Variants in KCND3 observed in about 807,000 individuals in gnomAD.
KCND3 encodes A-type voltage-gated potassium channel KCND3.
KCND3 carries 9 observed loss-of-function variants against 51.1 expected under a neutral mutation model. The ratio of observed to expected loss-of-function variants is 0.18; its 90% CI spans 0.11 to 0.31. The LOEUF is 0.31. Ranked by LOEUF, KCND3 falls within the 10% of genes least tolerant of loss-of-function variation. The probability of loss-of-function intolerance (pLI) is 1.00; values close to 1 mark genes in which losing one functional copy is unlikely to be tolerated. For synonymous variants in KCND3, 349 were observed against 368.0 expected (o/e 0.95, Z 0.59); for missense variants, 526 against 903.8 (o/e 0.58, Z 5.36).
chr1:111,859,927 C>T (rs1353968435), intron 2 of KCND3, among the ~76,000 whole-genome samples: 1 of 152,086 alleles, frequency 6.6e-6, no homozygotes, highest in Admixed American at 6.6e-5. Context: ...GCCAGGGTGG[C>T]GGGAGGTGTG....
At chr1:111,849,511 G>A (rs984340038) in intron 2 of KCND3, among the ~76,000 whole-genome samples, 1 of 152,210 alleles carries the variant, frequency 6.6e-6, no homozygotes, top group African/African-American at 2.4e-5. Flanking sequence ...GTGCCCCTGA[G>A]TCCCTCTACC....
At chr1:111,920,710 C>G (rs1469993965) in intron 2 of KCND3, among the ~76,000 whole-genome samples, 1 of 152,218 alleles carries the variant, frequency 6.6e-6, no homozygotes, top group Non-Finnish European at 1.5e-5. Context: ...GGTCCCCACT[C>G]ACGCTGAAGG....
chr1:111,872,600 G>GTA (rs1237294835), intron 2 of KCND3, among the ~76,000 whole-genome samples: 8 of 139,934 alleles, frequency 5.7e-5, no homozygotes, highest in East Asian at 2.9e-4. Flanking sequence ...GGGAGAAAGA[G>GTA]TGTTTTTTTA....
chr1:111,909,196 T>C (rs1417605446), intron 2 of KCND3: 1 of 151,990 alleles, frequency 6.6e-6, no homozygotes. Context: ...TTGCATCCCA[T>C]TATGTTGTCA....
chr1:111,959,708 T>C (rs1227166284), intron 2 of KCND3, among the ~76,000 whole-genome samples: 3 of 152,214 alleles, frequency 2.0e-5, no homozygotes, highest in Non-Finnish European at 4.4e-5. Flanking sequence ...TGCTAGGTGC[T>C]CTGTGACACA....
chr1:111,874,344 T>A (rs78188177), intron 2 of KCND3, among the ~76,000 whole-genome samples: 2,335 of 152,306 alleles, frequency 0.015, 66 homozygotes, highest in African/African-American at 0.053. Flanking sequence ...CACATTCAAA[T>A]ACGCTGTTCT....
intron 2 of KCND3, among the ~76,000 whole-genome samples, chr1:111,823,779 C>T (rs962841959): frequency 1.3e-5 from 2 of 152,264 alleles, no homozygotes; most frequent in South Asian, 4.1e-4. Flanking sequence ...AGCTAGTTAG[C>T]AGCCCAGGCA....
chr1:111,973,582 G>C (rs1264680358), intron 2 of KCND3, among the ~76,000 whole-genome samples: 1 of 152,160 alleles, frequency 6.6e-6, no homozygotes, highest in Non-Finnish European at 1.5e-5. Context: ...TGCAGTGATA[G>C]CTAGATAATG....
intron 2 of KCND3, among the ~76,000 whole-genome samples, chr1:111,976,707 G>A (rs1389699126): frequency 1.3e-5 from 2 of 152,214 alleles, no homozygotes; most frequent in African/African-American, 4.8e-5. Flanking sequence ...CCAGCTCCTG[G>A]AGGTGACGTG....
intron 2 of KCND3, among the ~76,000 whole-genome samples, chr1:111,792,113 C>T (rs1284040925): frequency 6.6e-6 from 1 of 152,204 alleles, no homozygotes; most frequent in Non-Finnish European, 1.5e-5. Flanking sequence ...GGATGGTGAA[C>T]TGTCTGGAAT....
intron 2 of KCND3, among the ~76,000 whole-genome samples, chr1:111,930,828 G>A (rs1671934435): frequency 6.6e-6 from 1 of 152,200 alleles, no homozygotes; most frequent in East Asian, 1.9e-4. Context: ...ACTTAACCGT[G>A]ACATGCTGGA....
chr1:111,943,138 G>C (rs1374558178), intron 2 of KCND3, among the ~76,000 whole-genome samples: 1 of 152,128 alleles, frequency 6.6e-6, no homozygotes, highest in African/African-American at 2.4e-5. Context: ...CTGCATCTCA[G>C]GCTGGATGGA....
At chr1:111,816,815 C>T (rs1666111439) in intron 2 of KCND3, among the ~76,000 whole-genome samples, 1 of 152,154 alleles carries the variant, frequency 6.6e-6, no homozygotes, top group Non-Finnish European at 1.5e-5. Context: ...TTTTCACCTC[C>T]CTTGCTCCCA....
intron 2 of KCND3, among the ~76,000 whole-genome samples, chr1:111,870,319 G>T (rs1488381113): frequency 2.0e-5 from 3 of 152,204 alleles, no homozygotes; most frequent in African/African-American, 7.2e-5. Context: ...TTTGCTAATA[G>T]CAGGCATTAG....
At chr1:111,856,552 C>T (rs1315905506) in intron 2 of KCND3, among the ~76,000 whole-genome samples, 1 of 152,208 alleles carries the variant, frequency 6.6e-6, no homozygotes, top group African/African-American at 2.4e-5. Flanking sequence ...TCTCTCTCAG[C>T]CTCCCTCAGG....
chr1:111,919,553 G>A (rs895095544), intron 2 of KCND3, among the ~76,000 whole-genome samples: 1 of 152,162 alleles, frequency 6.6e-6, no homozygotes. Context: ...GATGGGTTAG[G>A]AGAGGAGGCA....
chr1:111,984,553 T>C (rs571297304), intron 1 of KCND3, among the ~76,000 whole-genome samples: 93 of 152,322 alleles, frequency 6.1e-4, no homozygotes, highest in African/African-American at 2.1e-3. Flanking sequence ...GTTTCTCCTA[T>C]TCCCCTGAAA....
intron 2 of KCND3, among the ~76,000 whole-genome samples, chr1:111,973,090 A>T (rs2101967444): frequency 6.6e-6 from 1 of 152,316 alleles, no homozygotes; most frequent in South Asian, 2.1e-4. Context: ...TCAGTCTTTG[A>T]CATGCATTGT....
intron 2 of KCND3, among the ~76,000 whole-genome samples, chr1:111,793,207 G>A (rs1427645881): frequency 2.1e-5 from 3 of 143,132 alleles, no homozygotes; most frequent in Admixed American, 7.2e-5. Context: ...ACAGAGTCTC[G>A]CTCTGTTTTC....
Sources: allele counts gnomAD v4.1 joint callset (sites outside exome capture counted in the v4.1 genomes callset), GRCh38; gene constraint gnomAD v4.1.1; transcripts MANE v1.5; gene names NCBI Gene and HGNC (gene_info 2026-07-23, HGNC 2026-07-21).